ASCC3: variants seen among roughly 807,000 people sequenced by gnomAD.
ASCC3 encodes ASC-1 complex subunit P200.
In ASCC3, 158 loss-of-function variants were observed where a neutral mutation model predicts 256.3. That is an observed-to-expected ratio of 0.62 (90% CI 0.54 to 0.70). The LOEUF (loss-of-function observed/expected upper bound fraction) is 0.70. Among genes scored for constraint, ASCC3 ranks in the 30% least tolerant of loss-of-function variants. The pLI, the probability that ASCC3 is intolerant of heterozygous loss-of-function variation, is 0.00. For missense variants in ASCC3, 2,259 were observed against 2,626.0 expected (o/e 0.86, Z 3.05); for synonymous variants, 948 against 883.4 (o/e 1.07, Z -1.30).
chr6:100,608,141 TA>T (rs1773063185), intron 30 of ASCC3, among the ~76,000 whole-genome samples: 3 of 127,280 alleles, frequency 2.4e-5, no homozygotes, highest in African/African-American at 5.9e-5. Flanking sequence ...TATATGTATA[TA>T]TATCTATATA....
intron 4 of ASCC3, among the ~76,000 whole-genome samples, chr6:100,837,734 G>A (rs1300916824): frequency 4.6e-5 from 7 of 152,054 alleles, no homozygotes; most frequent in Admixed American, 4.6e-4. Flanking sequence ...TGGGGAGATT[G>A]GGGGTGGAGG....
At chr6:100,681,725 CAAAAAAAAAA>C (rs10696130) in intron 13 of ASCC3, among the ~76,000 whole-genome samples, 189 of 58,664 alleles carry the variant, frequency 3.2e-3, no homozygotes, top group African/African-American at 0.013. Flanking sequence ...GACTCCGTCT[CAAAAAAAAAA>C]AAAAAAAAAA....
intron 10 of ASCC3, among the ~76,000 whole-genome samples, chr6:100,751,121 T>TAA (rs1180179831): frequency 6.6e-6 from 1 of 152,060 alleles, no homozygotes; most frequent in African/African-American, 2.4e-5. Flanking sequence ...CATGCTTGCA[T>TAA]AAATCTAGAT....
At chr6:100,856,560 G>A in intron 3 of ASCC3, 1 of 414,400 alleles carries the variant, frequency 2.4e-6, no homozygotes, top group Non-Finnish European at 3.2e-6. Flanking sequence ...ACACACCTGT[G>A]TAATCTGGTT....
At chr6:100,863,861 G>T (rs560154786) in intron 3 of ASCC3, among the ~76,000 whole-genome samples, 1 of 152,048 alleles carries the variant, frequency 6.6e-6, no homozygotes, top group Admixed American at 6.6e-5. Context: ...GGACTCAAGC[G>T]ATCTGCCTGC....
chr6:100,874,019 C>A (rs188298001), intron 1 of ASCC3, among the ~76,000 whole-genome samples: 1 of 152,252 alleles, frequency 6.6e-6, no homozygotes, highest in East Asian at 1.9e-4. Flanking sequence ...GATGTGTTTT[C>A]TTCCCCAGGT....
At chr6:100,637,697 G>A (rs1774911333) in intron 25 of ASCC3, among the ~76,000 whole-genome samples, 2 of 152,112 alleles carry the variant, frequency 1.3e-5, no homozygotes. Flanking sequence ...TTAGGAAGAA[G>A]TTGATTCCAC....
chr6:100,798,384 T>C (rs1769738580), intron 8 of ASCC3, among the ~76,000 whole-genome samples: 1 of 152,028 alleles, frequency 6.6e-6, no homozygotes, highest in Non-Finnish European at 1.5e-5. Context: ...TTATTATAGG[T>C]TGATCATTTG....
chr6:100,586,394 G>A (rs6910738), intron 36 of ASCC3, among the ~76,000 whole-genome samples: 64,532 of 152,014 alleles, frequency 0.42, 14,211 homozygotes, highest in Middle Eastern at 0.54. Context: ...AGCCAGGTGC[G>A]AGATATAATC....
chr6:100,854,419 A>C (rs1772839320), intron 3 of ASCC3, among the ~76,000 whole-genome samples: 1 of 152,198 alleles, frequency 6.6e-6, no homozygotes, highest in Admixed American at 6.5e-5. Context: ...GTATTCAAGA[A>C]ATGTTCAATA....
intron 3 of ASCC3, among the ~76,000 whole-genome samples, chr6:100,852,904 G>A (rs937862471): frequency 2.0e-5 from 3 of 151,682 alleles, no homozygotes; most frequent in African/African-American, 7.3e-5. Flanking sequence ...CTTTTATTAA[G>A]AAGAAATACT....
At chr6:100,672,829 G>A (rs1776816825) in intron 14 of ASCC3, among the ~76,000 whole-genome samples, 1 of 151,938 alleles carries the variant, frequency 6.6e-6, no homozygotes, top group South Asian at 2.1e-4. Flanking sequence ...TGATACATGT[G>A]TCTACTTCAA....
rs183186365 is a variant in ASCC3 at position 100,575,564 on chromosome 6, T to A, written c.5550+14070A>T. Among the ~76,000 whole-genome samples the A allele has an allele frequency of 2.6e-5, 4 of 152,204 alleles. No homozygotes were observed. The East Asian group carries it at 7.7e-4, about 29-fold the overall frequency. Reference sequence around the variant, plus strand: ...TTCTGGTACTTTTCTAAATTTGGAATAGTTCTATTTACATTTAGACATGAA... The same window carrying A: ...TTCTGGTACTTTTCTAAATTTGGAAAAGTTCTATTTACATTTAGACATGAA... On this transcript the variant is annotated intron_variant, in intron 36 of 41. Coordinates refer to ENST00000369162, the MANE Select transcript of ASCC3 (RefSeq NM_006828.4).
At chr6:100,735,898 T>C (rs4840150) in intron 10 of ASCC3, among the ~76,000 whole-genome samples, 69,482 of 151,986 alleles carry the variant, frequency 0.46, 16,298 homozygotes, top group Middle Eastern at 0.6. Flanking sequence ...TCTCAAACCA[T>C]ATACCGTAGT....
chr6:100,818,401 T>C (rs2114411579), intron 4 of ASCC3, among the ~76,000 whole-genome samples: 2 of 151,762 alleles, frequency 1.3e-5, no homozygotes, highest in Middle Eastern at 6.8e-3. Context: ...ACCCCACCTC[T>C]ACTAAAAATA....
chr6:100,671,372 A>G (rs1451373668), intron 14 of ASCC3, among the ~76,000 whole-genome samples: 1 of 152,058 alleles, frequency 6.6e-6, no homozygotes, highest in Non-Finnish European at 1.5e-5. Flanking sequence ...ATAACTACAG[A>G]GATATACTTT....
chr6:100,877,685 C>T (rs1396718514), intron 1 of ASCC3, among the ~76,000 whole-genome samples: 1 of 151,724 alleles, frequency 6.6e-6, no homozygotes, highest in Non-Finnish European at 1.5e-5. Context: ...CACTGTAGGC[C>T]AAAAAAAGGA....
intron 3 of ASCC3, among the ~76,000 whole-genome samples, chr6:100,854,153 A>AC (rs1772824308): frequency 2.7e-5 from 4 of 149,730 alleles, no homozygotes; most frequent in South Asian, 4.2e-4. Flanking sequence ...CAAGCCAGGT[A>AC]CTTTTTTTTT....
chr6:100,563,107 T>C (rs922110435), intron 36 of ASCC3, among the ~76,000 whole-genome samples: 2 of 152,080 alleles, frequency 1.3e-5, no homozygotes, highest in East Asian at 3.8e-4. Flanking sequence ...TTTTTAAATA[T>C]TATGATTAAA....
Sources: allele counts gnomAD v4.1 joint callset (sites outside exome capture counted in the v4.1 genomes callset), GRCh38; gene constraint gnomAD v4.1.1; transcripts MANE v1.5; gene names NCBI Gene and HGNC (gene_info 2026-07-23, HGNC 2026-07-21).